The following MYO16 variants were observed in gnomAD, a reference collection of about 807,000 sequenced individuals.
The protein encoded by MYO16 is unconventional myosin-XVI.
MYO16 carries 94 observed loss-of-function variants against 205.3 expected under a neutral mutation model. The observed-to-expected ratio is 0.46, with a 90% CI of 0.39 to 0.54. MYO16 has a LOEUF of 0.54. MYO16 is among the 20% of genes least tolerant of loss of function. MYO16 has a pLI of 0.00. For synonymous variants in MYO16, 988 were observed against 954.0 expected (o/e 1.04, Z -0.66); for missense variants, 2,315 against 2,387.5 (o/e 0.97, Z 0.63).
At chr13:109,005,141 G>C (rs547438258) in intron 21 of MYO16, among the ~76,000 whole-genome samples, 13 of 152,246 alleles carry the variant, frequency 8.5e-5, no homozygotes, top group Middle Eastern at 3.4e-3. Flanking sequence ...GGAAGAAGAC[G>C]ATACCAGGAG....
At chr13:108,761,627 G>A (rs1301155526) in intron 4 of MYO16, among the ~76,000 whole-genome samples, 2 of 152,124 alleles carry the variant, frequency 1.3e-5, no homozygotes, top group South Asian at 2.1e-4. Context: ...GAAGGCATCC[G>A]CTTGAGTCTC....
At chr13:108,504,776 C>A in the MYO16 span, among the ~76,000 whole-genome samples, 2 of 151,926 alleles carry the variant, frequency 1.3e-5, no homozygotes, top group Non-Finnish European at 2.9e-5. Context: ...ACCTTGTGAT[C>A]CACCCACCTC....
the MYO16 span, among the ~76,000 whole-genome samples, chr13:108,518,939 C>T: frequency 6.6e-6 from 1 of 152,136 alleles, no homozygotes; most frequent in Non-Finnish European, 1.5e-5. Context: ...TGGAATTATA[C>T]ATCTCTATCA....
At chr13:108,556,734 T>C in the MYO16 span, among the ~76,000 whole-genome samples, 1 of 152,204 alleles carries the variant, frequency 6.6e-6, no homozygotes, top group Admixed American at 6.5e-5. Flanking sequence ...CTTTCCTCTA[T>C]ATTTTCTTCT....
chr13:108,763,413 T>C lies in MYO16; in HGVS notation c.508-22222T>C, dbSNP rs1449482203. On this transcript the variant is annotated intron_variant, in intron 4 of 34. Transcript: ENST00000457511. ...CCCTGAGAGCAGTGTAGAGTAAGAT[T>C]GCAGGGGAAATCTGCAGGTTCCGTC... 8.5e-5 allele frequency among the ~76,000 whole-genome samples: 13 copies of C among 152,276 alleles called. No homozygotes were observed. The East Asian group carries it at 2.5e-3, about 29-fold the overall frequency.
At chr13:108,670,560 T>C (rs1881939101) in intron 2 of MYO16, among the ~76,000 whole-genome samples, 1 of 152,140 alleles carries the variant, frequency 6.6e-6, no homozygotes, top group African/African-American at 2.4e-5. Flanking sequence ...GAAGGGAACA[T>C]GCAAGTATGG....
chr13:108,761,301 G>A (rs74118843), intron 4 of MYO16, among the ~76,000 whole-genome samples: 4,250 of 152,106 alleles, frequency 0.028, 186 homozygotes, highest in African/African-American at 0.097. Context: ...GTCTTATGCC[G>A]TCCTAAGAGG....
intron 23 of MYO16, among the ~76,000 whole-genome samples, chr13:109,043,575 A>G (rs181442071): frequency 6.6e-6 from 1 of 152,188 alleles, no homozygotes; most frequent in Non-Finnish European, 1.5e-5. Context: ...GCAGTGTTGC[A>G]TTAAAGTGAG....
chr13:108,820,461 T>C, intron 8 of MYO16, 49 bp downstream of exon 8: 4 of 1,452,242 alleles, frequency 2.8e-6, no homozygotes, highest in Non-Finnish European at 3.8e-6. Context: ...GTTTTCTTCC[T>C]TTCATATTGG....
chr13:108,643,031 T>A (rs970513514), intron 1 of MYO16, among the ~76,000 whole-genome samples: 4 of 152,162 alleles, frequency 2.6e-5, no homozygotes, highest in Non-Finnish European at 5.9e-5. Flanking sequence ...CATACAGAAC[T>A]TATTTTTAGG....
intron 7 of MYO16, among the ~76,000 whole-genome samples, chr13:108,807,751 T>C (rs1887158497): frequency 6.6e-6 from 1 of 152,214 alleles, no homozygotes; most frequent in African/African-American, 2.4e-5. Context: ...CCCAGGGTTA[T>C]TGTCATAATT....
intron 2 of MYO16, among the ~76,000 whole-genome samples, chr13:108,705,724 G>A (rs1249278464): frequency 1.3e-5 from 2 of 152,018 alleles, no homozygotes; most frequent in Non-Finnish European, 2.9e-5. Flanking sequence ...AACTTAAAAT[G>A]GGTTAAAAGG....
chr13:108,957,797 T>C lies in MYO16; in HGVS notation c.2035T>C (p.Leu679=). The change falls in exon 17 of 35, where the codon TTG becomes CTG. Residue 679 remains leucine, a splice_region_variant and synonymous_variant. Coordinates refer to ENST00000457511, the MANE Select transcript of MYO16 (RefSeq NM_001198950.3). ...RALNVVGFSS[L]EVENLFVILA... is the part of the protein sequence containing the mutation. ...CCTGAATGTAGTTGGCTTCAGCAGC[T>C]TGGTGAGTCATGTCATAAATATTTC... 6.2e-7 allele frequency: 1 copy of C among 1,608,688 alleles called. No homozygotes were observed. The highest frequency in any genetic ancestry group is 8.5e-7 in the Non-Finnish European group (1 of 1,175,222).
intron 33 of MYO16, among the ~76,000 whole-genome samples, chr13:109,167,892 A>T (rs1010271251): frequency 6.6e-6 from 1 of 152,202 alleles, no homozygotes; most frequent in African/African-American, 2.4e-5. Context: ...AGGAAAAAAA[A>T]TAAAAATGAA....
chr13:108,587,375 G>C, the MYO16 span, among the ~76,000 whole-genome samples: 1 of 152,082 alleles, frequency 6.6e-6, no homozygotes, highest in Non-Finnish European at 1.5e-5. Context: ...AAGGCTAGGA[G>C]TGTCAATTTC....
chr13:108,712,807 C>G (rs148219475), intron 3 of MYO16, 76 bp downstream of exon 3: 8 of 1,082,626 alleles, frequency 7.4e-6, no homozygotes, highest in Non-Finnish European at 1.1e-5. Context: ...AACCCAGGAA[C>G]GAAATGTACA....
the MYO16 span, among the ~76,000 whole-genome samples, chr13:108,571,237 G>A: frequency 8.6e-5 from 13 of 151,468 alleles, no homozygotes; most frequent in Admixed American, 2.0e-4. Context: ...AAGGATAAGA[G>A]GATACAGTGA....
At position 109,207,524 on chromosome 13, in the gene MYO16, T is replaced by G. The variant is rs966412176; in HGVS notation, c.*688T>G. 2 of 152,148 alleles carry G rather than the reference T, an allele frequency of 1.3e-5. No homozygotes were observed. Among genetic ancestry groups the G allele is most frequent in the Non-Finnish European group, 2.9e-5 (2 of 68,016 alleles). 9.4% of individuals were successfully genotyped at this position (152,148 alleles called of 1,614,324 possible). A position where few individuals can be genotyped will look rare whatever the true frequency, so the allele number is the denominator to read the frequency against. ...TTGCAAAACTATGAATTGAGCCCCA[T>G]GTTTTAGGTGTTACTCATGGATGAG... On this transcript the variant is annotated 3_prime_UTR_variant, in exon 35 of 35. Transcript: ENST00000457511.
At chr13:108,510,629 C>T in the MYO16 span, among the ~76,000 whole-genome samples, 581 of 51,186 alleles carry the variant, frequency 0.011, 19 homozygotes, top group African/African-American at 0.042. Flanking sequence ...CCCCCTCCCC[C>T]GACCCCACCA....
Sources: gnomAD v4.1 joint callset for allele counts (sites outside exome capture counted in the v4.1 genomes callset) on GRCh38, gnomAD v4.1.1 for gene constraint, MANE v1.5 for transcripts, NCBI Gene and HGNC (gene_info 2026-07-23, HGNC 2026-07-21) for gene names.